INSYN2B: variants seen among roughly 807,000 people sequenced by gnomAD.
INSYN2B encodes the protein inhibitory synaptic factor family member 2B.
A neutral mutation model predicts 41.2 loss-of-function variants in INSYN2B; 16 were observed. That is an observed-to-expected ratio of 0.39 (90% confidence interval 0.26 to 0.59). The LOEUF (loss-of-function observed/expected upper bound fraction) is 0.59. Ranked by LOEUF, INSYN2B falls within the 20% of genes least tolerant of loss-of-function variation. The pLI, the probability that INSYN2B is intolerant of heterozygous loss-of-function variation, is 0.57. For synonymous variants in INSYN2B, 245 were observed against 244.4 expected (o/e 1.00, Z -0.02); for missense variants, 608 against 646.4 (o/e 0.94, Z 0.64).
At chr5:169,963,182 A>T (rs776803657) in intron 1 of INSYN2B, among the ~76,000 whole-genome samples, 1 of 152,152 alleles carries the variant, frequency 6.6e-6, no homozygotes, top group Non-Finnish European at 1.5e-5. Context: ...AGGCCTGAGG[A>T]TGCTCTTCAT....
intron 1 of INSYN2B, among the ~76,000 whole-genome samples, chr5:169,905,646 G>A (rs572019187): frequency 4.6e-5 from 7 of 152,250 alleles, no homozygotes; most frequent in South Asian, 4.2e-4. Context: ...GATGGGTGTG[G>A]GGTAGGCAGG....
chr5:169,914,672 TA>T (rs1774781377), intron 1 of INSYN2B, among the ~76,000 whole-genome samples: 1 of 152,232 alleles, frequency 6.6e-6, no homozygotes, highest in Non-Finnish European at 1.5e-5. Flanking sequence ...ATCTTAGTAG[TA>T]ACCTGGGCCC....
rs536582787 is a variant in INSYN2B at position 169,917,617 on chromosome 5, T to G, written c.-918-32801A>C. On this transcript the variant is annotated intron_variant, in intron 1 of 3. Coordinates refer to ENST00000377365, the MANE Select transcript of INSYN2B (RefSeq NM_001129891.3). ...TTTCTAATCGATTGCTTGCTGTTTT[T>G]TGGTGATTGCGAAACACTAGAAAGT... Among the ~76,000 whole-genome samples the G allele has an allele frequency of 2.6e-5, 4 of 152,318 alleles. No individual in the cohort carries two copies. In the East Asian group the frequency reaches 7.7e-4, roughly 29 times the overall value.
chr5:169,907,656 G>A (rs1277201395), intron 1 of INSYN2B, among the ~76,000 whole-genome samples: 1 of 152,204 alleles, frequency 6.6e-6, no homozygotes, highest in Non-Finnish European at 1.5e-5. Flanking sequence ...GGCTCAGAGA[G>A]GTCAAATTCT....
chr5:169,963,812 A>G (rs1204054259), intron 1 of INSYN2B, among the ~76,000 whole-genome samples: 2 of 152,058 alleles, frequency 1.3e-5, no homozygotes, highest in African/African-American at 4.8e-5. Context: ...ATCCTTGAGC[A>G]CCCAGCAGAG....
intron 1 of INSYN2B, among the ~76,000 whole-genome samples, chr5:169,947,870 G>A (rs1048309316): frequency 6.6e-6 from 1 of 152,100 alleles, no homozygotes; most frequent in Non-Finnish European, 1.5e-5. Flanking sequence ...TGCCTGCTGG[G>A]TGAGCATGAG....
rs1772834075 is a variant in INSYN2B, at chr5:169,884,106, C to A, written c.-208G>T. 7.3e-6 allele frequency: 3 copies of A among 412,614 alleles called. No individual in the cohort carries two copies. Among genetic ancestry groups the A allele is most frequent in the Non-Finnish European group, 1.3e-5 (3 of 234,684 alleles). 25.6% of individuals were successfully genotyped at this position (412,614 alleles called of 1,614,324 possible). A position where few individuals can be genotyped will look rare whatever the true frequency, so the allele number is the denominator to read the frequency against. ...GGAACTATCTGTAATGCTTTCCCTGCAGTTAAAATATTAATTCATTGTAGT... is the reference window on the plus strand; with the variant it reads ...GGAACTATCTGTAATGCTTTCCCTGAAGTTAAAATATTAATTCATTGTAGT... On this transcript the variant is annotated 5_prime_UTR_variant, in exon 2 of 4. Coordinates refer to ENST00000377365, the MANE Select transcript of INSYN2B (RefSeq NM_001129891.3).
chr5:169,870,363 GA>G lies in INSYN2B; in HGVS notation c.1422-5905del, dbSNP rs1771876986. ...AGAGCCCCAAGTCATGACTTGGCTG[GA>G]AGAAGAAACAGTGAGTAACAAATAG... On this transcript the variant is annotated intron_variant, in intron 3 of 3. Coordinates refer to ENST00000377365, the MANE Select transcript of INSYN2B (RefSeq NM_001129891.3). Among the ~76,000 whole-genome samples, 2 of 152,158 alleles carry G rather than the reference GA, an allele frequency of 1.3e-5. 1 individual carries two copies. The highest frequency in any genetic ancestry group is 4.1e-4 in the South Asian group (2 of 4,834).
intron 1 of INSYN2B, 118 bp from the exon 2 acceptor site, chr5:169,884,934 A>G (rs1427159779): frequency 6.6e-6 from 1 of 152,176 alleles, no homozygotes; most frequent in Non-Finnish European, 1.5e-5. Flanking sequence ...GAATAAGTCA[A>G]CCACGTGGCC....
At chr5:169,865,225 C>A (rs1052148342) in intron 3 of INSYN2B, among the ~76,000 whole-genome samples, 1 of 152,180 alleles carries the variant, frequency 6.6e-6, no homozygotes, top group Non-Finnish European at 1.5e-5. Context: ...GTTTTGGTGT[C>A]ATTAACATAC....
At chr5:169,888,561 AC>A (rs1331380337) in intron 1 of INSYN2B, among the ~76,000 whole-genome samples, 4 of 152,108 alleles carry the variant, frequency 2.6e-5, no homozygotes, top group African/African-American at 4.8e-5. Context: ...TAGGTTGCAA[AC>A]TGTAGGCTTT....
At chr5:169,975,012 A>G (rs2113772058) in intron 1 of INSYN2B, among the ~76,000 whole-genome samples, 1 of 152,262 alleles carries the variant, frequency 6.6e-6, no homozygotes. Context: ...CTCCAAAAGT[A>G]GGCTTCTGTT....
chr5:169,942,981 C>T (rs371700241), intron 1 of INSYN2B, among the ~76,000 whole-genome samples: 63 of 152,090 alleles, frequency 4.1e-4, no homozygotes, highest in African/African-American at 1.3e-3. Context: ...AAATCGTATG[C>T]GTGGGACAAA....
At chr5:169,906,159 C>T (rs190663951) in intron 1 of INSYN2B, among the ~76,000 whole-genome samples, 5 of 152,264 alleles carry the variant, frequency 3.3e-5, no homozygotes, top group Non-Finnish European at 5.9e-5. Flanking sequence ...CCTCAATGAG[C>T]GATTACTACA....
chr5:169,868,425 A>T (rs1771733388), intron 3 of INSYN2B, among the ~76,000 whole-genome samples: 1 of 152,226 alleles, frequency 6.6e-6, no homozygotes, highest in African/African-American at 2.4e-5. Flanking sequence ...ACAACAAACC[A>T]GCTGAGTTTG....
intron 1 of INSYN2B, among the ~76,000 whole-genome samples, chr5:169,957,000 AATGGT>A (rs1421395124): frequency 2.0e-5 from 3 of 152,008 alleles, no homozygotes; most frequent in Non-Finnish European, 4.4e-5. Flanking sequence ...GGAGCAATAC[AATGGT>A]ATCATTGTTC....
intron 1 of INSYN2B, among the ~76,000 whole-genome samples, chr5:169,910,064 A>T (rs1445821877): frequency 6.6e-6 from 1 of 151,968 alleles, no homozygotes; most frequent in Non-Finnish European, 1.5e-5. Flanking sequence ...CTTAATGTTT[A>T]CTCTGAATGG....
chr5:169,915,332 C>A (rs1774816832), intron 1 of INSYN2B, among the ~76,000 whole-genome samples: 1 of 152,096 alleles, frequency 6.6e-6, no homozygotes, highest in Admixed American at 6.6e-5. Context: ...AAATCATCAG[C>A]AAAAGCACCA....
chr5:169,892,368 A>G (rs2113544160), intron 1 of INSYN2B, among the ~76,000 whole-genome samples: 1 of 152,392 alleles, frequency 6.6e-6, no homozygotes, highest in East Asian at 1.9e-4. Flanking sequence ...AGCATGGAGC[A>G]GGAGCTAGGT....
Sources: allele counts gnomAD v4.1 joint callset (sites outside exome capture counted in the v4.1 genomes callset), GRCh38; gene constraint gnomAD v4.1.1; transcripts MANE v1.5; gene names NCBI Gene and HGNC (gene_info 2026-07-23, HGNC 2026-07-21).